The following ERICH6B variants were observed in gnomAD, a reference collection of about 807,000 sequenced individuals.
ERICH6B encodes glutamate rich 6B, also known as glutamate-rich protein 6B.
A neutral mutation model predicts 80.0 loss-of-function variants in ERICH6B; 69 were observed. That is an observed-to-expected ratio of 0.86 (90% CI 0.71 to 1.05). The LOEUF (loss-of-function observed/expected upper bound fraction) is 1.05, where lower values mean the gene tolerates loss of function less well. Ranked by LOEUF, ERICH6B falls within the 50% of genes least tolerant of loss-of-function variation. The pLI, the probability that ERICH6B is intolerant of heterozygous loss-of-function variation, is 0.00. For synonymous variants in ERICH6B, 283 were observed against 291.9 expected (o/e 0.97, Z 0.31); for missense variants, 754 against 796.1 (o/e 0.95, Z 0.64).
In ERICH6B at chr13:45,559,009, C is replaced by G. The variant is rs1040441912; in HGVS notation, c.1407+2360G>C. On this transcript the variant is annotated intron_variant, in intron 11 of 14. Coordinates refer to ENST00000298738, the MANE Select transcript of ERICH6B (RefSeq NM_182542.3). ...TGGAATAGTGTCAATAGGATTGGTA[C>G]CAATTCTTCTTTGAATGTCTGGTAG... 1.6e-4 allele frequency among the ~76,000 whole-genome samples: 24 copies of G among 152,188 alleles called. 1 individual carries two copies. The highest frequency in any genetic ancestry group is 1.6e-3 in the Admixed American group (24 of 15,268).
At chr13:45,555,278 C>T (rs113977145) in intron 11 of ERICH6B, among the ~76,000 whole-genome samples, 7 of 152,270 alleles carry the variant, frequency 4.6e-5, no homozygotes, top group African/African-American at 1.7e-4. Context: ...TTCCAACGCC[C>T]TTACCATTGT....
chr13:45,567,649 A>G (rs1033428935), intron 9 of ERICH6B, among the ~76,000 whole-genome samples: 3 of 152,328 alleles, frequency 2.0e-5, no homozygotes, highest in South Asian at 4.1e-4. Context: ...TCCATTAAAT[A>G]TCTTTCTTTT....
At chr13:45,551,037 T>C (rs955975150) in intron 11 of ERICH6B, among the ~76,000 whole-genome samples, 6 of 152,208 alleles carry the variant, frequency 3.9e-5, no homozygotes, top group Admixed American at 1.3e-4. Context: ...CTTCAATCAG[T>C]TTTTGCAAAC....
intron 2 of ERICH6B, among the ~76,000 whole-genome samples, chr13:45,605,753 T>A (rs1187293524): frequency 6.6e-6 from 1 of 152,198 alleles, no homozygotes; most frequent in Non-Finnish European, 1.5e-5. Flanking sequence ...TAATTCTCCG[T>A]GATAAAGAAA....
chr13:45,570,275 G>C (rs1036515413), intron 8 of ERICH6B, among the ~76,000 whole-genome samples: 2 of 152,104 alleles, frequency 1.3e-5, no homozygotes, highest in African/African-American at 2.4e-5. Flanking sequence ...TTCACAGCAA[G>C]GTTTGTGATG....
intron 9 of ERICH6B, among the ~76,000 whole-genome samples, chr13:45,564,427 T>C (rs1874829590): frequency 6.6e-6 from 1 of 152,250 alleles, no homozygotes; most frequent in East Asian, 1.9e-4. Context: ...TGAAAGGGAA[T>C]GTGCCAGAAA....
At chr13:45,584,215 A>T (rs2138006004) in intron 5 of ERICH6B, among the ~76,000 whole-genome samples, 1 of 152,258 alleles carries the variant, frequency 6.6e-6, no homozygotes, top group South Asian at 2.1e-4. Flanking sequence ...TTGGTTTATG[A>T]TCCTGCTCTG....
At chr13:45,575,563 C>T (rs1183539054) in intron 7 of ERICH6B, among the ~76,000 whole-genome samples, 2 of 152,158 alleles carry the variant, frequency 1.3e-5, no homozygotes, top group Non-Finnish European at 2.9e-5. Flanking sequence ...GTGATTTTCA[C>T]TTGGAAATTT....
chr13:45,602,518 T>C (rs1949833176), intron 2 of ERICH6B, among the ~76,000 whole-genome samples: 1 of 152,218 alleles, frequency 6.6e-6, no homozygotes, highest in Admixed American at 6.5e-5. Flanking sequence ...GGAGCCAGGA[T>C]GAAGAGTTCT....
Position 45,550,022 on chromosome 13 carries a change from A to T in ERICH6B, c.1517T>A (p.Met506Lys). 1 of 1,552,008 alleles carries T rather than the reference A, an allele frequency of 6.4e-7. No individual in the cohort carries two copies. Among genetic ancestry groups the T allele is most frequent in the Non-Finnish European group, 8.7e-7 (1 of 1,147,094 alleles). Residue 506 changes from methionine to lysine, a missense_variant, in exon 13 of 15, where the codon ATG becomes AAG. Physicochemically the swap from Met to Lys is moderately conservative, Grantham distance 95 (BLOSUM62 -1). Transcript: ENST00000298738. ...TTTCATTTTCGCATATAAGATGAGC[A>T]TAGCCAGGTTTCCTGATGGATAACT... ...QIHYPSGNLA[M>K]LILYAKMKKF... is the part of the protein sequence containing the mutation.
chr13:45,568,900 A>C (rs1048782960), intron 8 of ERICH6B, among the ~76,000 whole-genome samples: 2 of 152,150 alleles, frequency 1.3e-5, no homozygotes, highest in African/African-American at 4.8e-5. Flanking sequence ...GAGAACATAC[A>C]ATTATCTTCT....
chr13:45,566,381 C>T (rs966423293), intron 9 of ERICH6B, among the ~76,000 whole-genome samples: 2 of 152,238 alleles, frequency 1.3e-5, no homozygotes, highest in African/African-American at 4.8e-5. Flanking sequence ...AGAATGTCTC[C>T]AGGGTGTCAG....
chr13:45,590,789 T>G, intron 3 of ERICH6B, 92 bp from the exon 4 acceptor site: 6 of 996,398 alleles, frequency 6.0e-6, no homozygotes, highest in South Asian at 1.6e-5. Context: ...GAGAGGGCCC[T>G]AGTTATAGAA....
In ERICH6B at chr13:45,543,858, C is replaced by T. The variant is rs577352307; in HGVS notation, c.1872+902G>A. 2.0e-5 allele frequency among the ~76,000 whole-genome samples: 3 copies of T among 152,270 alleles called. No homozygotes were observed. The South Asian group carries it at 6.2e-4, about 32-fold the overall frequency. On this transcript the variant is annotated intron_variant, in intron 14 of 14. Transcript: ENST00000298738. ...TGTTTGAGGAGGAGGGAAGAGGACA[C>T]AACAGCAGGCCTGGGGACACAGACT...
At chr13:45,563,702 T>C (rs3014917) in intron 10 of ERICH6B, 25 bp downstream of exon 10, 693,502 of 1,546,370 alleles carry the variant, frequency 0.45, 162,592 homozygotes, top group East Asian at 0.71. Context: ...CAGCACGTGG[T>C]GGAAAATGGT....
At chr13:45,612,825 T>C (rs906052503) in intron 1 of ERICH6B, among the ~76,000 whole-genome samples, 1 of 152,136 alleles carries the variant, frequency 6.6e-6, no homozygotes. Flanking sequence ...GAAGGGCATC[T>C]TTTATGACCT....
At chr13:45,577,276 CTTTTTTTTTTTTTTT>C (rs34244794) in intron 7 of ERICH6B, among the ~76,000 whole-genome samples, 3 of 86,060 alleles carry the variant, frequency 3.5e-5, no homozygotes, top group Admixed American at 1.6e-4. Context: ...AAAAACAAAT[CTTTTTTTTTTTTTTT>C]TTTTTTTTTT....
intron 13 of ERICH6B, among the ~76,000 whole-genome samples, chr13:45,545,442 T>A (rs1160207006): frequency 6.6e-6 from 1 of 152,218 alleles, no homozygotes; most frequent in African/African-American, 2.4e-5. Context: ...TTCTCATTGT[T>A]CACTGTATTA....
chr13:45,603,130 G>A (rs976143188), intron 2 of ERICH6B, among the ~76,000 whole-genome samples: 1 of 152,126 alleles, frequency 6.6e-6, no homozygotes, highest in Admixed American at 6.5e-5. Flanking sequence ...AGGAGAAGAT[G>A]GATGTCCCAG....
Sources: allele counts gnomAD v4.1 joint callset (sites outside exome capture counted in the v4.1 genomes callset), GRCh38; gene constraint gnomAD v4.1.1; transcripts MANE v1.5; gene names NCBI Gene and HGNC (gene_info 2026-07-23, HGNC 2026-07-21).